The following NBPF20 variants were observed in gnomAD, a reference collection of about 807,000 sequenced individuals.
NBPF20 encodes the protein NBPF family member NBPF20.
In NBPF20, 90 loss-of-function variants were observed where a neutral mutation model predicts 68.1. That is an observed-to-expected ratio of 1.32 (90% confidence interval 1.11 to 1.58). The LOEUF (loss-of-function observed/expected upper bound fraction) is 1.58, where lower values mean the gene tolerates loss of function less well. Among genes scored for constraint, NBPF20 ranks in the 40% most tolerant of loss-of-function variants. NBPF20 has a pLI of 0.00. For synonymous variants in NBPF20, 290 were observed against 228.1 expected (o/e 1.27, Z -2.45); for missense variants, 816 against 601.2 (o/e 1.36, Z -3.74).
exon 1 of NBPF20, chr1:145,405,433 C>A (rs1485312367): frequency 1.3e-5 from 20 of 1,576,618 alleles, no homozygotes; most frequent in Admixed American, 1.8e-5. Flanking sequence ...GTGATCACTC[C>A]CCACAGCACT....
chr1:145,422,538 G>A, the NBPF20 span, among the ~76,000 whole-genome samples: 2 of 148,972 alleles, frequency 1.3e-5, no homozygotes, highest in African/African-American at 2.5e-5. Context: ...TATTGCCCAG[G>A]TTGGTCCAGA....
At chr1:145,423,547 C>T in the NBPF20 span, among the ~76,000 whole-genome samples, 1 of 151,498 alleles carries the variant, frequency 6.6e-6, no homozygotes, top group Non-Finnish European at 1.5e-5. Context: ...ACATATATAT[C>T]GTAGAAAGGA....
At chr1:145,406,444 A>G (rs1404562352), upstream of NBPF20, among the ~76,000 whole-genome samples, 1 of 150,904 alleles carries the variant, frequency 6.6e-6, no homozygotes, top group Non-Finnish European at 1.5e-5. Flanking sequence ...TTCTGTGAAG[A>G]TACATACTTA....
At chr1:145,392,871 A>G (rs1286520240) in intron 10 of NBPF20, among the ~76,000 whole-genome samples, 3 of 96,336 alleles carry the variant, frequency 3.1e-5, no homozygotes, top group East Asian at 1.2e-3. Flanking sequence ...ATGGCCTGAG[A>G]CTAGGAAGAG....
chr1:145,410,900 C>A, the NBPF20 span, among the ~76,000 whole-genome samples: 1 of 124,708 alleles, frequency 8.0e-6, no homozygotes, highest in Non-Finnish European at 1.6e-5. Context: ...CACACACACA[C>A]ACGTTTGTGT....
intron 8 of NBPF20, among the ~76,000 whole-genome samples, chr1:145,394,452 A>G (rs1662114861): frequency 6.6e-6 from 1 of 152,122 alleles, no homozygotes; most frequent in African/African-American, 2.4e-5. Context: ...TACCAGGAAC[A>G]TGATGGACAG....
rs1433530974 is a variant in NBPF20, at chr1:145,342,779, A to C, written c.8814-220T>G. 2.6e-5 allele frequency among the ~76,000 whole-genome samples: 3 copies of C among 116,484 alleles called. 1 individual carries two copies. The highest frequency in any genetic ancestry group is 1.1e-4 in the African/African-American group (3 of 27,610). The allele number at this position is 116,484 out of a possible 152,430, so 76.4% of individuals were successfully genotyped here. A position where few individuals can be genotyped will look rare whatever the true frequency, so the allele number is the denominator to read the frequency against. On this transcript the variant is annotated intron_variant, in intron 73 of 137. Coordinates refer to ENST00000369373, the Ensembl canonical transcript of NBPF20. ...TAGACACACACACACACACACACAC[A>C]CACACACACACACACAGACACACAC...
In NBPF20 at chr1:145,397,749, G is replaced by C. The variant is rs1216678350; in HGVS notation, c.827+1300C>G. On this transcript the variant is annotated intron_variant, in intron 7 of 137. Coordinates refer to ENST00000369373, the Ensembl canonical transcript of NBPF20. ...ACACATAACAATATTAACCTTAAATGTAAATGGGCTAAATGCCCCAGTTAA... is the reference window on the plus strand; with the variant it reads ...ACACATAACAATATTAACCTTAAATCTAAATGGGCTAAATGCCCCAGTTAA... Among the ~76,000 whole-genome samples the C allele has an allele frequency of 0.041, 6,236 of 152,248 alleles. 777 individuals carry two copies. The East Asian group carries it at 0.41, about 10-fold the overall frequency.
At chr1:145,403,860 C>G (rs1297760082) in intron 2 of NBPF20, among the ~76,000 whole-genome samples, 19 of 151,688 alleles carry the variant, frequency 1.3e-4, no homozygotes, top group South Asian at 1.0e-3. Context: ...ACCTTAAGGC[C>G]ATGAAGGAAA....
chr1:145,424,878 C>A, the NBPF20 span, among the ~76,000 whole-genome samples: 2 of 152,156 alleles, frequency 1.3e-5, no homozygotes, highest in Admixed American at 6.5e-5. Context: ...ACTTGGTACA[C>A]CCGGCTTGCC....
chr1:145,400,586 T>A (rs1553665070), exon 6 of NBPF20: 9 of 1,611,800 alleles, frequency 5.6e-6, no homozygotes, highest in Non-Finnish European at 7.6e-6. Context: ...TTCAGCCTTC[T>A]GCATCTCCCT....
rs782650656 is a variant in NBPF20, at chr1:145,291,552, G to A, written c.16915C>T (p.Gln5639Ter). The change falls in exon 138 of 138, where the codon CAG becomes TAG. Residue 5639 changes from glutamine to a stop codon, truncating the protein, a stop_gained. Transcript: ENST00000369373. LOFTEE classifies it high-confidence loss of function. ...TATTGTGGGAATATGACTCCCATCT[G>A]GAACACCAGGTGGAGACTTGTCACC... The A allele has an allele frequency of 3.1e-6, 5 of 1,611,990 alleles. No homozygotes were observed. The highest frequency in any genetic ancestry group is 1.1e-5 in the South Asian group (1 of 90,986).
At chr1:145,306,233 T>A (rs1661403814) in intron 119 of NBPF20, among the ~76,000 whole-genome samples, 168 bp from the exon 125 acceptor site, 3 of 137,674 alleles carry the variant, frequency 2.2e-5, no homozygotes, top group African/African-American at 2.7e-5. Flanking sequence ...CAGGGCCAAA[T>A]GGAAAAGAAT....
intron 8 of NBPF20, among the ~76,000 whole-genome samples, chr1:145,394,214 T>A (rs1175971885): frequency 6.6e-6 from 1 of 151,946 alleles, no homozygotes; most frequent in African/African-American, 2.4e-5. Flanking sequence ...TTTTCCCCAA[T>A]AAATTGTAGG....
At chr1:145,393,611 T>C (rs1353287763) in intron 9 of NBPF20, 9 of 709,128 alleles carry the variant, frequency 1.3e-5, no homozygotes, top group South Asian at 9.4e-5. Context: ...CTCAATAATT[T>C]TGCATAAAAT....
At chr1:145,400,929 G>A (rs61810794) in intron 5 of NBPF20, 130 bp downstream of exon 10, 13 of 1,157,246 alleles carry the variant, frequency 1.1e-5, no homozygotes, top group Non-Finnish European at 1.6e-5. Context: ...TCTAAGCTGG[G>A]TTATATTTCA....
Position 145,400,126 on chromosome 1 carries a change from C to T in NBPF20, c.775+260G>A, listed in dbSNP as rs1339058028. ...GAGATACTGAATCGAAGCTAGTAGG[C>T]CTGACAGATACTGCCTGTGCACCTC... On this transcript the variant is annotated intron_variant, in intron 6 of 137. Coordinates refer to ENST00000369373, the Ensembl canonical transcript of NBPF20. Among the ~76,000 whole-genome samples the T allele has an allele frequency of 5.3e-5, 8 of 152,274 alleles. No homozygotes were observed. The East Asian group carries it at 1.3e-3, about 26-fold the overall frequency.
exon 138 of NBPF20, chr1:145,291,467 T>G (rs1661078109): frequency 6.2e-7 from 1 of 1,611,884 alleles, no homozygotes; most frequent in African/African-American, 1.3e-5. Context: ...CATTCAAATC[T>G]TCACGTGCCT....
chr1:145,372,265 T>A (rs1661757423), intron 36 of NBPF20, among the ~76,000 whole-genome samples: 3 of 125,472 alleles, frequency 2.4e-5, no homozygotes, highest in Non-Finnish European at 4.9e-5. Flanking sequence ...CTGGGTCCAA[T>A]GTGCTGAGAG....
Sources: gnomAD v4.1 joint callset for allele counts (sites outside exome capture counted in the v4.1 genomes callset) on GRCh38, gnomAD v4.1.1 for gene constraint, MANE v1.5 for transcripts, NCBI Gene and HGNC (gene_info 2026-07-23, HGNC 2026-07-21) for gene names.